Variants in PCDHA7 observed in about 807,000 individuals in gnomAD.
PCDHA7 encodes protocadherin alpha-7.
Under a neutral mutation model 57.2 loss-of-function variants are expected in PCDHA7, and 37 were observed. The observed-to-expected ratio is 0.65, with a 90% CI of 0.50 to 0.85. The LOEUF (loss-of-function observed/expected upper bound fraction) is 0.85. Among genes scored for constraint, PCDHA7 ranks in the 40% least tolerant of loss-of-function variants. The pLI, the probability that PCDHA7 is intolerant of heterozygous loss-of-function variation, is 0.00. For missense variants in PCDHA7, 1,188 were observed against 1,241.8 expected, an observed-to-expected ratio of 0.96 and a Z score of 0.65; for synonymous variants, 553 against 558.8, an observed-to-expected ratio of 0.99 and a Z score of 0.15.
intron 1 of PCDHA7, among the ~76,000 whole-genome samples, chr5:140,905,415 C>A (rs2071821709): frequency 6.6e-6 from 1 of 152,128 alleles, no homozygotes; most frequent in Non-Finnish European, 1.5e-5. Context: ...ATACCAGTAC[C>A]ATGCTGGTTT....
chr5:140,896,113 T>A (rs10053583), intron 1 of PCDHA7, among the ~76,000 whole-genome samples: 2,120 of 152,286 alleles, frequency 0.014, 43 homozygotes, highest in African/African-American at 0.049. Flanking sequence ...GCCTGGCCAA[T>A]GTACTGCATT....
In PCDHA7 at chr5:140,869,132, G is replaced by GCA. The variant is rs782288889; in HGVS notation, c.2355+32396_2355+32397dup. On this transcript the variant is annotated intron_variant, in intron 1 of 3. Transcript: ENST00000525929. ...TTTGGTTTTCAGAGAAGGGGATTGG[G>GCA]CACCCCACGACTACAGCTCTGGCTT... The GCA allele has an allele frequency of 1.9e-6, 3 of 1,612,054 alleles. No homozygotes were observed. The Admixed American group carries it at 5.0e-5, about 27-fold the overall frequency.
intron 1 of PCDHA7, among the ~76,000 whole-genome samples, chr5:140,975,647 T>G (rs1563441442): frequency 6.6e-6 from 1 of 152,254 alleles, no homozygotes; most frequent in Non-Finnish European, 1.5e-5. Flanking sequence ...GCATATTATT[T>G]CATTGAGTAG....
chr5:140,892,310 A>T (rs1346325979), intron 1 of PCDHA7, among the ~76,000 whole-genome samples: 1 of 152,230 alleles, frequency 6.6e-6, no homozygotes, highest in African/African-American at 2.4e-5. Flanking sequence ...TTTGGGGCTT[A>T]TAACATTTTC....
rs1581464132 is a variant in PCDHA7, at chr5:140,857,670, T to A, written c.2355+20932T>A. 10 of 1,596,646 alleles carry A rather than the reference T, an allele frequency of 6.3e-6. No homozygotes were observed. In the East Asian group the frequency reaches 2.2e-4, roughly 36 times the overall value. ...CAGGTGAGCGCGCGCGATGGGGGCG[T>A]GCCGCCTCTGGGCAGCAACTTGACG... On this transcript the variant is annotated intron_variant, in intron 1 of 3. Transcript: ENST00000525929.
Position 140,880,781 on chromosome 5 carries a change from G to C in PCDHA7, c.2355+44043G>C, listed in dbSNP as rs575201091. Reference sequence around the variant, plus strand: ...GTGTTGGAGGCTAAAAAGAATGTTAGAGGAGTAATATAAATAGGTGAATGA... The same window carrying C: ...GTGTTGGAGGCTAAAAAGAATGTTACAGGAGTAATATAAATAGGTGAATGA... On this transcript the variant is annotated intron_variant, in intron 1 of 3. Transcript: ENST00000525929. Among the ~76,000 whole-genome samples the C allele has an allele frequency of 5.9e-5, 9 of 152,346 alleles. No homozygotes were observed. In the East Asian group the frequency reaches 1.3e-3, roughly 23 times the overall value.
At chr5:140,862,559 A>C in intron 1 of PCDHA7, 1 of 470,052 alleles carries the variant, frequency 2.1e-6, no homozygotes, top group Non-Finnish European at 4.3e-6. Context: ...CGAACAGTGA[A>C]CCACAATGCC....
intron 1 of PCDHA7, chr5:140,966,879 GC>G: frequency 1.3e-6 from 2 of 1,587,514 alleles, no homozygotes; most frequent in Non-Finnish European, 1.7e-6. Flanking sequence ...CTGCTACCTG[GC>G]CCTGCGGCCT....
chr5:140,983,100 T>C (rs2097027056), intron 3 of PCDHA7, among the ~76,000 whole-genome samples: 1 of 152,232 alleles, frequency 6.6e-6, no homozygotes, highest in African/African-American at 2.4e-5. Flanking sequence ...AATCTGCTTC[T>C]CTCTGCACAT....
intron 1 of PCDHA7, among the ~76,000 whole-genome samples, chr5:140,976,972 C>T (rs969505831): frequency 2.6e-5 from 4 of 152,182 alleles, no homozygotes; most frequent in Non-Finnish European, 5.9e-5. Flanking sequence ...TTCCTTTTCC[C>T]TGCCTGATCT....
intron 1 of PCDHA7, among the ~76,000 whole-genome samples, chr5:140,839,603 T>TG (rs1554137521): frequency 6.6e-6 from 1 of 152,086 alleles, no homozygotes; most frequent in African/African-American, 2.4e-5. Context: ...TTGCCCAGGC[T>TG]GGTCTCAAAC....
chr5:140,869,577 T>C, intron 1 of PCDHA7: 2 of 1,614,188 alleles, frequency 1.2e-6, no homozygotes, highest in Non-Finnish European at 8.5e-7. Context: ...AGGGAGCTTC[T>C]GATGCTGACA....
At chr5:140,959,611 C>T (rs2095501064) in intron 1 of PCDHA7, among the ~76,000 whole-genome samples, 1 of 151,848 alleles carries the variant, frequency 6.6e-6, no homozygotes, top group Non-Finnish European at 1.5e-5. Context: ...GCTTTTCTTG[C>T]TTGTGATAGA....
intron 1 of PCDHA7, chr5:140,848,966 G>C (rs2150427042): frequency 1.9e-5 from 31 of 1,605,602 alleles, no homozygotes; most frequent in Non-Finnish European, 2.6e-5. Flanking sequence ...TAGAGGGCGC[G>C]TCCGATGCAG....
At chr5:140,844,298 G>A (rs1779310568) in intron 1 of PCDHA7, among the ~76,000 whole-genome samples, 1 of 149,300 alleles carries the variant, frequency 6.7e-6, no homozygotes, top group Admixed American at 6.7e-5. Flanking sequence ...AAATTTGATA[G>A]TTTTCATATT....
rs2150434628 is a variant in PCDHA7, at chr5:140,849,311, C to T, written c.2355+12573C>T. On this transcript the variant is annotated intron_variant, in intron 1 of 3. Transcript: ENST00000525929. ...CCAATGCCTCAGATTTAGACGAAGGCTTGAATGGGGATATTATTTACTCCT... is the reference window on the plus strand; with the variant it reads ...CCAATGCCTCAGATTTAGACGAAGGTTTGAATGGGGATATTATTTACTCCT... 446 of 1,312,408 alleles carry T rather than the reference C, an allele frequency of 3.4e-4. 16 individuals carry two copies. The African/African-American group carries it at 6.8e-3, about 20-fold the overall frequency. 81.3% of individuals were successfully genotyped at this position (1,312,408 alleles called of 1,614,324 possible). A position where few individuals can be genotyped will look rare whatever the true frequency, so the allele number is the denominator to read the frequency against.
In PCDHA7 at chr5:140,834,802, T is replaced by C; in HGVS notation, c.419T>C (p.Leu140Pro). 1 of 1,612,920 alleles carries C rather than the reference T, an allele frequency of 6.2e-7. No homozygotes were observed. The highest frequency in any genetic ancestry group is 8.5e-7 in the Non-Finnish European group (1 of 1,179,742). The stretch of plus-strand genomic sequence containing the variant: ...GTGTTCCCAGCGACACAAAGGAATC[T>C]GTTCATCGCGGAATCCAGGCCGCTT... ...PPVFPATQRN[L>P]FIAESRPLDS... is the part of the protein sequence containing the mutation. Residue 140 changes from leucine to proline, a missense_variant, in exon 1 of 4, where the codon CTG becomes CCG. Physicochemically the swap from Leu to Pro is moderately conservative, Grantham distance 98 (BLOSUM62 -3). This residue lies in a region of PCDHA7 where 194 missense variants were observed against 185.8 expected (regional missense o/e 1.04). Coordinates refer to ENST00000525929, the MANE Select transcript of PCDHA7 (RefSeq NM_018910.3).
At chr5:140,865,351 A>G (rs1452149063) in intron 1 of PCDHA7, 4 of 152,204 alleles carry the variant, frequency 2.6e-5, no homozygotes, top group African/African-American at 7.2e-5. Context: ...GTATATTTAC[A>G]TATTGCAGGA....
chr5:140,841,620 C>T lies in PCDHA7; in HGVS notation c.2355+4882C>T, dbSNP rs1777377321. 2.5e-6 allele frequency: 4 copies of T among 1,613,982 alleles called. No individual in the cohort carries two copies. The highest frequency in any genetic ancestry group is 3.4e-6 in the Non-Finnish European group (4 of 1,180,020). ...CGCGAGGAGCTGTGCGGGCGGAGCG[C>T]GGAGTGCAGCATCCACCTGGAGGTG... On this transcript the variant is annotated intron_variant, in intron 1 of 3. Transcript: ENST00000525929.
Sources: allele counts gnomAD v4.1 joint callset (sites outside exome capture counted in the v4.1 genomes callset), GRCh38; gene constraint gnomAD v4.1.1; regional missense constraint gnomAD v4.1.1; transcripts MANE v1.5; gene names NCBI Gene and HGNC (gene_info 2026-07-23, HGNC 2026-07-21).